Variants in NCAM2 observed in about 807,000 individuals in gnomAD.
NCAM2 encodes the protein neural cell adhesion molecule 2.
Under a neutral mutation model 98.1 loss-of-function variants are expected in NCAM2, and 30 were observed. The ratio of observed to expected loss-of-function variants is 0.31; its 90% CI spans 0.23 to 0.41. NCAM2 has a LOEUF of 0.41. Ranked by LOEUF, NCAM2 falls within the 10% of genes least tolerant of loss-of-function variation. The pLI is 1.00. For synonymous variants in NCAM2, 368 were observed against 342.4 expected, an observed-to-expected ratio of 1.07 and a Z score of -0.83; for missense variants, 867 against 1,005.8, an observed-to-expected ratio of 0.86 and a Z score of 1.87.
chr21:21,340,963 A>G (rs1261624252), intron 8 of NCAM2, among the ~76,000 whole-genome samples: 2 of 152,082 alleles, frequency 1.3e-5, no homozygotes, highest in African/African-American at 4.8e-5. Flanking sequence ...CACATTACAA[A>G]TGCATATCAA....
chr21:21,082,543 A>G (rs948077733), intron 1 of NCAM2, among the ~76,000 whole-genome samples: 1 of 152,160 alleles, frequency 6.6e-6, no homozygotes, highest in Non-Finnish European at 1.5e-5. Flanking sequence ...TAAAAGTTAC[A>G]CTGATTATTA....
intron 15 of NCAM2, among the ~76,000 whole-genome samples, chr21:21,493,483 C>T (rs564866080): frequency 6.6e-6 from 1 of 151,914 alleles, no homozygotes; most frequent in Non-Finnish European, 1.5e-5. Context: ...GCACAACCTT[C>T]CTGATAATGA....
intron 1 of NCAM2, among the ~76,000 whole-genome samples, chr21:21,190,678 A>G (rs1018011713): frequency 1.3e-4 from 20 of 152,202 alleles, no homozygotes; most frequent in African/African-American, 4.3e-4. Context: ...AAGTGAGAAG[A>G]GACTCTAGAA....
intron 1 of NCAM2, among the ~76,000 whole-genome samples, chr21:21,031,808 AT>A (rs2064689275): frequency 2.5e-5 from 2 of 79,802 alleles, no homozygotes; most frequent in South Asian, 1.1e-3. Flanking sequence ...TCACACTCTT[AT>A]ACACACACAC....
intron 1 of NCAM2, among the ~76,000 whole-genome samples, chr21:21,221,667 T>C (rs2070172564): frequency 6.6e-6 from 1 of 152,172 alleles, no homozygotes; most frequent in South Asian, 2.1e-4. Context: ...AGAAAAAGTT[T>C]GAAACTAGCA....
intron 14 of NCAM2, among the ~76,000 whole-genome samples, chr21:21,476,057 T>G (rs1171538729): frequency 6.6e-6 from 1 of 152,176 alleles, no homozygotes; most frequent in African/African-American, 2.4e-5. Flanking sequence ...GAACAAATAC[T>G]TAATTGTCAC....
At chr21:21,148,783 G>C (rs1239950666) in intron 1 of NCAM2, among the ~76,000 whole-genome samples, 1 of 152,136 alleles carries the variant, frequency 6.6e-6, no homozygotes, top group Non-Finnish European at 1.5e-5. Context: ...TGACCTGAAG[G>C]AGAATTAGGA....
chr21:21,531,826 C>CAA (rs71696380), intron 16 of NCAM2, among the ~76,000 whole-genome samples: 1,316 of 130,546 alleles, frequency 0.01, 28 homozygotes, highest in African/African-American at 0.031. Flanking sequence ...TAAAAAATAC[C>CAA]AAAAAAAAAA....
chr21:21,119,499 T>C (rs1023677370), intron 1 of NCAM2, among the ~76,000 whole-genome samples: 3 of 152,216 alleles, frequency 2.0e-5, no homozygotes, highest in African/African-American at 7.2e-5. Flanking sequence ...GAAGCAGTAA[T>C]TGCTCTGCAG....
rs1568919300 is a variant in NCAM2, at chr21:21,311,334, C to CT, written c.620-13049_620-13048insT. Among the ~76,000 whole-genome samples the CT allele has an allele frequency of 2.8e-4, 32 of 115,882 alleles. 1 individual carries two copies. The highest frequency in any genetic ancestry group is 1.0e-3 in the African/African-American group (31 of 30,862). The allele number at this position is 115,882 out of a possible 152,430, so 76.0% of individuals were successfully genotyped here. ...GCAAAAGATGGTTACAAATATGGGGCATTTTTTTTTTTTTTTTTTTTTTTG... is the reference window on the plus strand; with the variant it reads ...GCAAAAGATGGTTACAAATATGGGGCTATTTTTTTTTTTTTTTTTTTTTTTG... On this transcript the variant is annotated intron_variant, in intron 5 of 17. Coordinates refer to ENST00000400546, the MANE Select transcript of NCAM2 (RefSeq NM_004540.5).
intron 1 of NCAM2, among the ~76,000 whole-genome samples, chr21:21,046,448 A>G (rs1329753760): frequency 6.6e-6 from 1 of 152,208 alleles, no homozygotes; most frequent in Non-Finnish European, 1.5e-5. Context: ...ATCTGTTCAA[A>G]ATACAAGCAT....
At chr21:21,091,320 C>G (rs1463629126) in intron 1 of NCAM2, among the ~76,000 whole-genome samples, 2 of 152,064 alleles carry the variant, frequency 1.3e-5, no homozygotes, top group Non-Finnish European at 2.9e-5. Context: ...CAACCTACTT[C>G]TGGGTTATTT....
At chr21:21,094,127 C>G (rs1239668864) in intron 1 of NCAM2, among the ~76,000 whole-genome samples, 1 of 151,680 alleles carries the variant, frequency 6.6e-6, no homozygotes, top group African/African-American at 2.4e-5. Flanking sequence ...TTGATACACT[C>G]GATGCTAGGG....
intron 9 of NCAM2, among the ~76,000 whole-genome samples, chr21:21,409,570 C>A (rs937029204): frequency 6.6e-6 from 1 of 152,144 alleles, no homozygotes; most frequent in East Asian, 1.9e-4. Flanking sequence ...GAGGAAAGAA[C>A]CATTTATTAG....
intron 16 of NCAM2, among the ~76,000 whole-genome samples, chr21:21,528,703 C>T (rs1374509978): frequency 6.6e-6 from 1 of 152,126 alleles, no homozygotes; most frequent in Admixed American, 6.6e-5. Flanking sequence ...ACAAGGTTTA[C>T]CTTCTAGTAG....
At chr21:21,453,209 G>A (rs1418880699) in intron 12 of NCAM2, among the ~76,000 whole-genome samples, 1 of 148,740 alleles carries the variant, frequency 6.7e-6, no homozygotes, top group African/African-American at 2.5e-5. Context: ...GAAGAAAAAT[G>A]AAGCAGAGCA....
intron 9 of NCAM2, among the ~76,000 whole-genome samples, chr21:21,381,784 G>A (rs1436894192): frequency 2.0e-5 from 3 of 152,026 alleles, no homozygotes; most frequent in Non-Finnish European, 4.4e-5. Context: ...TATTTTATAT[G>A]TATTCATCTA....
chr21:21,321,632 T>G (rs9974992), intron 5 of NCAM2, among the ~76,000 whole-genome samples: 6,996 of 152,240 alleles, frequency 0.046, 298 homozygotes, highest in East Asian at 0.19. Context: ...TTCTTTTGCA[T>G]ATGGCTCGCC....
chr21:21,413,510 G>A (rs1409178492), intron 10 of NCAM2, among the ~76,000 whole-genome samples: 1 of 151,994 alleles, frequency 6.6e-6, no homozygotes, highest in Admixed American at 6.6e-5. Context: ...GATATACCTT[G>A]GAGATATTGC....
Sources: allele counts gnomAD v4.1 joint callset (sites outside exome capture counted in the v4.1 genomes callset), GRCh38; gene constraint gnomAD v4.1.1; transcripts MANE v1.5; gene names NCBI Gene and HGNC (gene_info 2026-07-23, HGNC 2026-07-21).